The following PLAGL1 variants were observed in gnomAD, a reference collection of about 807,000 sequenced individuals.
PLAGL1 encodes the protein PLAG1 like zinc finger 1.
A neutral mutation model predicts 4.6 loss-of-function variants in PLAGL1; 1 was observed. The ratio of observed to expected loss-of-function variants is 0.22; its 90% CI spans 0.08 to 1.03. The LOEUF (loss-of-function observed/expected upper bound fraction) is 1.03. PLAGL1 is among the 50% of genes least tolerant of loss of function. The probability of loss-of-function intolerance (pLI) is 0.58; values close to 1 mark genes in which losing one functional copy is unlikely to be tolerated. For synonymous variants in PLAGL1, 240 were observed against 237.8 expected, an observed-to-expected ratio of 1.01 and a Z score of -0.08; for missense variants, 464 against 570.4, an observed-to-expected ratio of 0.81 and a Z score of 1.90.
rs1238810479 is a variant in PLAGL1 at position 143,950,106 on chromosome 6, C to T, written c.-324-1646G>A. On this transcript the variant is annotated intron_variant, in intron 6 of 7. Coordinates refer to ENST00000674357, the MANE Select transcript of PLAGL1 (RefSeq NM_001317162.2). The surrounding 1 kb of genome is among the most constrained non-coding windows in gnomAD (Gnocchi z 6.3). ...GCAAATACCCCTCACCATCCTGCCT[C>T]ACCCACTTGGAAACGTGAAAGCTGA... 6.6e-6 allele frequency among the ~76,000 whole-genome samples: 1 copy of T among 152,182 alleles called. No individual in the cohort carries two copies. Among genetic ancestry groups the T allele is most frequent in the East Asian group, 1.9e-4 (1 of 5,194 alleles).
rs189660030 is a variant in PLAGL1, at chr6:144,022,026, C to A, written c.-151+42442G>T. Among the ~76,000 whole-genome samples, 576 of 152,266 alleles carry A rather than the reference C, an allele frequency of 3.8e-3. 5 individuals are homozygous for A. Among genetic ancestry groups the A allele is most frequent in the African/African-American group, 0.013 (548 of 41,554 alleles). On this transcript the variant is annotated intron_variant, in intron 1 of 3. Coordinates refer to the PLAGL1 transcript ENST00000437412. The surrounding 1 kb of genome is among the most constrained non-coding windows in gnomAD (Gnocchi z 4.2). ...GCTTCAAAAGAGGTGATCCAACTCT[C>A]CTACCTCAGGCAGTTGCAGGGCTTT...
rs1459795428 is a variant in PLAGL1 at position 144,056,680 on chromosome 6, A to T, written c.-151+7788T>A. On this transcript the variant is annotated intron_variant, in intron 1 of 3. Transcript: ENST00000437412. The surrounding 1 kb of genome is among the most constrained non-coding windows in gnomAD (Gnocchi z 4.7). ...TCTTTGTTTTTGTTTTTGTTTTTTT[A>T]AATTTAGACAGGTTATCGCTGCTGC... Among the ~76,000 whole-genome samples the T allele has an allele frequency of 6.6e-6, 1 of 151,904 alleles. No homozygotes were observed. Among genetic ancestry groups the T allele is most frequent in the Non-Finnish European group, 1.5e-5 (1 of 67,932 alleles).
Position 144,035,017 on chromosome 6 carries a change from T to C in PLAGL1, c.-151+29451A>G, listed in dbSNP as rs561800774. Among the ~76,000 whole-genome samples, 4 of 152,348 alleles carry C rather than the reference T, an allele frequency of 2.6e-5. No individual in the cohort carries two copies. The East Asian group carries it at 7.7e-4, about 29-fold the overall frequency. On this transcript the variant is annotated intron_variant, in intron 1 of 3. Transcript: ENST00000437412. ...ACAGTTAAATGTTAATGATAGAATC[T>C]AGTGGTGGGTATAAGGGCATTCACT...
chr6:144,033,591 T>C (rs1158431915), intron 1 of PLAGL1, among the ~76,000 whole-genome samples: 1 of 152,184 alleles, frequency 6.6e-6, no homozygotes, highest in African/African-American at 2.4e-5. Context: ...TGATCTTTGT[T>C]ATATACTAGT....
At position 143,957,954 on chromosome 6, in the gene PLAGL1, G is replaced by T. The variant is rs1782509411; in HGVS notation, c.-325+2515C>A. Among the ~76,000 whole-genome samples, 1 of 152,130 alleles carries T rather than the reference G, an allele frequency of 6.6e-6. No individual in the cohort carries two copies. The highest frequency in any genetic ancestry group is 1.5e-5 in the Non-Finnish European group (1 of 68,016). On this transcript the variant is annotated intron_variant, in intron 6 of 7. Coordinates refer to ENST00000674357, the MANE Select transcript of PLAGL1 (RefSeq NM_001317162.2). The surrounding 1 kb of genome is among the most constrained non-coding windows in gnomAD (Gnocchi z 4.2). ...TAATGACTACTTAGGCTGAGTCTAG[G>T]AGTATACCCGGTTGACAAATGGAGG...
Position 144,063,877 on chromosome 6 carries a change from C to T in PLAGL1, c.-151+591G>A, listed in dbSNP as rs908704686. On this transcript the variant is annotated intron_variant, in intron 1 of 3. Transcript: ENST00000437412. The surrounding 1 kb of genome is among the most constrained non-coding windows in gnomAD (Gnocchi z 5.7). ...GCGCCGCCGGTAATCCGGGGTGACG[C>T]CACGGCCCAGGTCTCTTTTCTCCCG... is the stretch of plus-strand genomic sequence containing the variant. Among the ~76,000 whole-genome samples, 2 of 152,214 alleles carry T rather than the reference C, an allele frequency of 1.3e-5. No homozygotes were observed. Among genetic ancestry groups the T allele is most frequent in the Non-Finnish European group, 2.9e-5 (2 of 68,040 alleles).
Position 144,053,477 on chromosome 6 carries a change from C to T in PLAGL1, c.-151+10991G>A, listed in dbSNP as rs1209867834. On this transcript the variant is annotated intron_variant, in intron 1 of 3. Coordinates refer to the PLAGL1 transcript ENST00000437412. This position sits in a 1 kb window ranked among gnomAD's most constrained non-coding sequence, Gnocchi z 4.0. ...TGAGTAGTTCATTCAAGTATAACAT[C>T]TTGCTACCACCTATGAGGGATACAA... 1.3e-5 allele frequency among the ~76,000 whole-genome samples: 2 copies of T among 152,172 alleles called. No individual in the cohort carries two copies. Among genetic ancestry groups the T allele is most frequent in the Non-Finnish European group, 2.9e-5 (2 of 68,026 alleles).
In PLAGL1 at chr6:143,958,090, G is replaced by T. The variant is rs542803967; in HGVS notation, c.-325+2379C>A. Among the ~76,000 whole-genome samples the T allele has an allele frequency of 1.9e-4, 29 of 152,306 alleles. No homozygotes were observed. The highest frequency in any genetic ancestry group is 3.5e-4 in the Non-Finnish European group (24 of 68,028). Reference sequence around the variant, plus strand: ...CCTGGCTGGGATGGGCAGGAGAGGGGCCTGTGTCAGAAAACCAATAACAGG... The same window carrying T: ...CCTGGCTGGGATGGGCAGGAGAGGGTCCTGTGTCAGAAAACCAATAACAGG... On this transcript the variant is annotated intron_variant, in intron 6 of 7. Transcript: ENST00000674357. The surrounding 1 kb of genome is among the most constrained non-coding windows in gnomAD (Gnocchi z 5.1).
Position 143,942,080 on chromosome 6 carries a change from C to T in PLAGL1, c.736G>A (p.Ala246Thr). 1 of 1,613,782 alleles carries T rather than the reference C, an allele frequency of 6.2e-7. No homozygotes were observed. Among genetic ancestry groups the T allele is most frequent in the Non-Finnish European group, 8.5e-7 (1 of 1,179,842 alleles). ...CTTGCAAGCCCGTTCTGGGCAGAAG[C>T]TCCTAAAGGGAAAGGAGGCAAGGCA... ...AAALPPFPLG[A>T]SAQNGLASSL... Residue 246 changes from alanine (A) to threonine (T), a missense_variant, in exon 8 of 8, where the codon GCT (alanine) becomes ACT (threonine). This residue lies in a region of PLAGL1 where 248 missense variants were observed against 250.1 expected (regional missense o/e 0.99). Coordinates refer to ENST00000674357, the MANE Select transcript of PLAGL1 (RefSeq NM_001317162.2). The surrounding 1 kb of genome is among the most constrained non-coding windows in gnomAD (Gnocchi z 7.6).
intron 2 of PLAGL1, 93 bp from the exon 3 acceptor site, chr6:143,969,071 AAT>A (rs1293229415): frequency 1.3e-5 from 2 of 152,092 alleles, no homozygotes; most frequent in East Asian, 3.9e-4. Flanking sequence ...ACCTAATCAG[AAT>A]ATGAGTTCAA....
Position 143,948,205 on chromosome 6 carries a change from G to A in PLAGL1, c.-69C>T, listed in dbSNP as rs145922363. On this transcript the variant is annotated 5_prime_UTR_variant, in exon 7 of 8. Coordinates refer to ENST00000674357, the MANE Select transcript of PLAGL1 (RefSeq NM_001317162.2). This position sits in a 1 kb window ranked among gnomAD's most constrained non-coding sequence, Gnocchi z 6.0. ...ATGCTGTGCCATTTAAGCACAAACAGAACGATGGTGCTGGGCACATCAGCA... is the reference window on the plus strand; with the variant it reads ...ATGCTGTGCCATTTAAGCACAAACAAAACGATGGTGCTGGGCACATCAGCA... 1.4e-5 allele frequency: 20 copies of A among 1,423,546 alleles called. No homozygotes were observed. The African/African-American group carries it at 2.8e-4, about 20-fold the overall frequency. The allele number at this position is 1,423,546 out of a possible 1,614,324, so 88.2% of individuals were successfully genotyped here. A position where few individuals can be genotyped will look rare whatever the true frequency, so the allele number is the denominator to read the frequency against.
chr6:144,018,201 T>C (rs1183129966), intron 1 of PLAGL1, among the ~76,000 whole-genome samples: 1 of 152,162 alleles, frequency 6.6e-6, no homozygotes, highest in African/African-American at 2.4e-5. Flanking sequence ...TCAAAAAAGT[T>C]AAAGAAAGAA....
At position 144,034,508 on chromosome 6, in the gene PLAGL1, C is replaced by T. The variant is rs1212057054; in HGVS notation, c.-151+29960G>A. On this transcript the variant is annotated intron_variant, in intron 1 of 3. Coordinates refer to the PLAGL1 transcript ENST00000437412. This position sits in a 1 kb window ranked among gnomAD's most constrained non-coding sequence, Gnocchi z 4.7. ...AAACACTTATTTGTTTCCTTTGTATCCTCCTCTCATTCAGGGGGTTCAATA... is the reference window on the plus strand; with the variant it reads ...AAACACTTATTTGTTTCCTTTGTATTCTCCTCTCATTCAGGGGGTTCAATA... Among the ~76,000 whole-genome samples the T allele has an allele frequency of 6.6e-6, 1 of 152,162 alleles. No individual in the cohort carries two copies. The highest frequency in any genetic ancestry group is 1.5e-5 in the Non-Finnish European group (1 of 68,038).
intron 1 of PLAGL1, among the ~76,000 whole-genome samples, chr6:143,986,535 G>C (rs1244792741): frequency 1.3e-5 from 2 of 152,064 alleles, no homozygotes; most frequent in Admixed American, 6.6e-5. Context: ...ATGATGATGG[G>C]AGAACTGAAA....
At position 143,947,003 on chromosome 6, in the gene PLAGL1, C is replaced by T. The variant is rs984927318; in HGVS notation, c.152+982G>A. On this transcript the variant is annotated intron_variant, in intron 7 of 7. Coordinates refer to ENST00000674357, the MANE Select transcript of PLAGL1 (RefSeq NM_001317162.2). The surrounding 1 kb of genome is among the most constrained non-coding windows in gnomAD (Gnocchi z 4.3). ...TAAAAAGATCCACTGGCGGCAGAAA[C>T]GATATCTAATGTATTCATTTCCCTC... Among the ~76,000 whole-genome samples, 1 of 152,278 alleles carries T rather than the reference C, an allele frequency of 6.6e-6. No individual in the cohort carries two copies. Among genetic ancestry groups the T allele is most frequent in the Non-Finnish European group, 1.5e-5 (1 of 68,026 alleles).
Position 144,053,430 on chromosome 6 carries a change from G to A in PLAGL1, c.-151+11038C>T, listed in dbSNP as rs753665168. The stretch of plus-strand genomic sequence containing the variant: ...GTTACAGGCGTGAGCCACCACACCC[G>A]GCCTAATTAGTCATTAATTCTTGAG... On this transcript the variant is annotated intron_variant, in intron 1 of 3. Coordinates refer to the PLAGL1 transcript ENST00000437412. This position sits in a 1 kb window ranked among gnomAD's most constrained non-coding sequence, Gnocchi z 4.0. 3.3e-5 allele frequency among the ~76,000 whole-genome samples: 5 copies of A among 152,150 alleles called. No individual in the cohort carries two copies. The highest frequency in any genetic ancestry group is 2.1e-4 in the South Asian group (1 of 4,824).
At position 143,948,752 on chromosome 6, in the gene PLAGL1, G is replaced by T. The variant is rs769206376; in HGVS notation, c.-324-292C>A. Among the ~76,000 whole-genome samples, 1 of 129,264 alleles carries T rather than the reference G, an allele frequency of 7.7e-6. No homozygotes were observed. The highest frequency in any genetic ancestry group is 1.6e-5 in the Non-Finnish European group (1 of 62,188). 84.8% of individuals were successfully genotyped at this position (129,264 alleles called of 152,430 possible). On this transcript the variant is annotated intron_variant, in intron 6 of 7. Transcript: ENST00000674357. The surrounding 1 kb of genome is among the most constrained non-coding windows in gnomAD (Gnocchi z 6.0). ...TTTCAGGTCAGTGTGAAGCTCCATT[G>T]ACCAAAGAGAAAAACAACAACAACA...
chr6:144,029,627 A>T (rs1357033318), intron 1 of PLAGL1, among the ~76,000 whole-genome samples: 3 of 152,242 alleles, frequency 2.0e-5, no homozygotes, highest in Admixed American at 6.5e-5. Context: ...ATGATTCAAA[A>T]ATCTTAACAC....
At position 143,941,710 on chromosome 6, in the gene PLAGL1, G is replaced by A. The variant is rs1778630681; in HGVS notation, c.1106C>T (p.Ala369Val). The A allele has an allele frequency of 1.2e-6, 2 of 1,614,106 alleles. No homozygotes were observed. The highest frequency in any genetic ancestry group is 1.1e-5 in the South Asian group (1 of 91,088). The stretch of plus-strand genomic sequence containing the variant: ...AGAGGCAGGTATTGTTAGGTTCACA[G>A]CATCTGCAGGCAGCTCCTTGGGCAG... Reference protein sequence around the residue: ...VNLPKELPADAVNLTIPASLD... With the variant: ...VNLPKELPADVVNLTIPASLD... Residue 369 changes from alanine to valine, a missense_variant, in exon 8 of 8, where the codon GCT (alanine) becomes GTT (valine). Transcript: ENST00000674357. This position sits in a 1 kb window ranked among gnomAD's most constrained non-coding sequence, Gnocchi z 6.0.
Sources: gnomAD v4.1 joint callset for allele counts (sites outside exome capture counted in the v4.1 genomes callset) on GRCh38, gnomAD v4.1.1 for gene constraint, gnomAD v4.1.1 regional missense constraint, Gnocchi (gnomAD v3.1) non-coding constraint, MANE v1.5 for transcripts, NCBI Gene and HGNC (gene_info 2026-07-23, HGNC 2026-07-21) for gene names.